Variants in XKR9 observed in about 807,000 individuals in gnomAD.
XKR9 encodes XK related 9.
XKR9 carries 32 observed loss-of-function variants against 32.0 expected under a neutral mutation model. That is an observed-to-expected ratio of 1.00 (90% CI 0.76 to 1.34). The LOEUF is 1.34. Ranked by LOEUF, XKR9 falls within the 40% of genes most tolerant of loss-of-function variation. The probability of loss-of-function intolerance (pLI) is 0.00; values close to 1 mark genes in which losing one functional copy is unlikely to be tolerated. For synonymous variants in XKR9, 168 were observed against 143.4 expected, an observed-to-expected ratio of 1.17 and a Z score of -1.22; for missense variants, 546 against 429.7, an observed-to-expected ratio of 1.27 and a Z score of -2.39.
At chr8:71,013,730 C>T in the XKR9 span, among the ~76,000 whole-genome samples, 3 of 152,122 alleles carry the variant, frequency 2.0e-5, no homozygotes, top group Non-Finnish European at 4.4e-5. Flanking sequence ...AATGTGACTG[C>T]TTCGGGGGGT....
the XKR9 span, among the ~76,000 whole-genome samples, chr8:70,962,195 T>A: frequency 6.6e-6 from 1 of 152,144 alleles, no homozygotes; most frequent in Non-Finnish European, 1.5e-5. Context: ...TTGTAGTTTT[T>A]AAAATTTTTA....
chr8:70,768,122 C>A lies in XKR9; in HGVS notation n.353-21217C>A, dbSNP rs183440308. Among the ~76,000 whole-genome samples the A allele has an allele frequency of 2.2e-3, 336 of 152,220 alleles. 2 individuals carry two copies. Among genetic ancestry groups the A allele is most frequent in the African/African-American group, 7.8e-3 (325 of 41,540 alleles). The stretch of plus-strand genomic sequence containing the variant: ...TCCCAGAGATTCTGGTATATTGTTT[C>A]TTTGTTCTCATTGGTTTCAAAGAAC... On this transcript the variant is annotated intron_variant and non_coding_transcript_variant, in intron 2 of 3. Transcript: ENST00000520273.
the XKR9 span, among the ~76,000 whole-genome samples, chr8:70,987,236 C>A: frequency 1.3e-5 from 2 of 152,196 alleles, no homozygotes; most frequent in African/African-American, 4.8e-5. Context: ...TCCCAACAAT[C>A]CCAGAAAGTC....
At chr8:70,757,584 T>TATGTATGTATGC (rs1411564175) in intron 2 of XKR9, among the ~76,000 whole-genome samples, 2 of 150,646 alleles carry the variant, frequency 1.3e-5, no homozygotes, top group Non-Finnish European at 3.0e-5. Context: ...TGTATGTATG[T>TATGTATGTATGC]ATGCATGTAT....
chr8:70,965,805 T>C, the XKR9 span, among the ~76,000 whole-genome samples: 1 of 152,114 alleles, frequency 6.6e-6, no homozygotes, highest in Non-Finnish European at 1.5e-5. Flanking sequence ...ATTTCCCTTA[T>C]CTTTTCTGAT....
the XKR9 span, among the ~76,000 whole-genome samples, chr8:70,870,358 A>G: frequency 2.6e-5 from 4 of 152,214 alleles, no homozygotes; most frequent in Admixed American, 2.6e-4. Flanking sequence ...ACTAAGTTTA[A>G]AAGTGACTAC....
At chr8:70,997,082 G>A in the XKR9 span, among the ~76,000 whole-genome samples, 4 of 152,204 alleles carry the variant, frequency 2.6e-5, no homozygotes, top group South Asian at 8.3e-4. Context: ...TGGATCACCT[G>A]AGGTCAGGAG....
chr8:70,928,229 G>C, the XKR9 span, among the ~76,000 whole-genome samples: 1 of 152,102 alleles, frequency 6.6e-6, no homozygotes, highest in Non-Finnish European at 1.5e-5. Flanking sequence ...TGCTTTTGTA[G>C]AGATGGGGTC....
At chr8:70,740,518 C>T (rs969104680), downstream of XKR9, among the ~76,000 whole-genome samples, 27 of 152,318 alleles carry the variant, frequency 1.8e-4, no homozygotes, top group East Asian at 5.8e-4. Context: ...TGAGGAACTG[C>T]GTTCCTTTGG....
chr8:70,740,441 A>G (rs370912174), downstream of XKR9, among the ~76,000 whole-genome samples: 2 of 152,050 alleles, frequency 1.3e-5, no homozygotes, highest in African/African-American at 4.8e-5. Context: ...GAGTAGTTTG[A>G]TCATCTGAAG....
chr8:70,733,779 A>ATTTTTTTTT lies in XKR9; in HGVS notation c.494-10_494-9insTTTTTTTTT, dbSNP rs1177125207. The ATTTTTTTTT allele has an allele frequency of 6.6e-7, 1 of 1,509,798 alleles. No individual in the cohort carries two copies. The highest frequency in any genetic ancestry group is 8.8e-7 in the Non-Finnish European group (1 of 1,132,836). The allele number at this position is 1,509,798 out of a possible 1,614,324, so 93.5% of individuals were successfully genotyped here. A position where few individuals can be genotyped will look rare whatever the true frequency, so the allele number is the denominator to read the frequency against. ...TTATTCCTATAACAATATATTTTTTATTTTTTTGTTTTGTAGATGCGGCCA... is the reference window on the plus strand; with the variant it reads ...TTATTCCTATAACAATATATTTTTTATTTTTTTTTTTTTTTTGTTTTGTAGATGCGGCCA... On this transcript the variant is annotated splice_polypyrimidine_tract_variant and intron_variant, in intron 4 of 4. Coordinates refer to ENST00000408926, the MANE Select transcript of XKR9 (RefSeq NM_001011720.2).
chr8:70,814,059 A>G, the XKR9 span, among the ~76,000 whole-genome samples: 2 of 152,228 alleles, frequency 1.3e-5, no homozygotes, highest in African/African-American at 2.4e-5. Flanking sequence ...TCCAACAACA[A>G]TAGTCTGGAT....
downstream of XKR9, among the ~76,000 whole-genome samples, chr8:70,740,432 A>G (rs1353394083): frequency 6.6e-6 from 1 of 152,064 alleles, no homozygotes; most frequent in Non-Finnish European, 1.5e-5. Context: ...TGTAGCTCGG[A>G]GTAGTTTGAT....
At chr8:71,002,195 T>C in the XKR9 span, among the ~76,000 whole-genome samples, 218 of 152,120 alleles carry the variant, frequency 1.4e-3, 1 homozygote, top group African/African-American at 5.1e-3. Flanking sequence ...TTAGTAAATG[T>C]AGTTAATTCT....
At chr8:70,718,632 C>T (rs1806171130) in intron 4 of XKR9, among the ~76,000 whole-genome samples, 7 of 152,118 alleles carry the variant, frequency 4.6e-5, no homozygotes, top group Admixed American at 3.9e-4. Context: ...TCATCCATGT[C>T]CCTGCAAAGA....
chr8:70,903,486 C>A, the XKR9 span, among the ~76,000 whole-genome samples: 1 of 151,892 alleles, frequency 6.6e-6, no homozygotes, highest in Non-Finnish European at 1.5e-5. Context: ...TGGTGATATC[C>A]CCTTTATCAT....
chr8:70,687,572 G>A (rs1819348287), intron 3 of XKR9, among the ~76,000 whole-genome samples: 1 of 151,828 alleles, frequency 6.6e-6, no homozygotes, highest in Non-Finnish European at 1.5e-5. Flanking sequence ...GCCTCAGTAT[G>A]TTGCCCAGGC....
the XKR9 span, among the ~76,000 whole-genome samples, chr8:70,809,526 G>A: frequency 6.6e-6 from 1 of 152,166 alleles, no homozygotes; most frequent in Non-Finnish European, 1.5e-5. Context: ...AGCCCATGGC[G>A]AAGAAGTTAA....
At chr8:70,763,970 T>G (rs945614465) in intron 2 of XKR9, among the ~76,000 whole-genome samples, 1 of 152,224 alleles carries the variant, frequency 6.6e-6, no homozygotes, top group Non-Finnish European at 1.5e-5. Context: ...TAGTCCAACC[T>G]GTGTGACATG....
Sources: gnomAD v4.1 joint callset for allele counts (sites outside exome capture counted in the v4.1 genomes callset) on GRCh38, gnomAD v4.1.1 for gene constraint, MANE v1.5 for transcripts, NCBI Gene and HGNC (gene_info 2026-07-23, HGNC 2026-07-21) for gene names.